The following SPPL3 variants were observed in gnomAD, a reference collection of about 807,000 sequenced individuals.
SPPL3 encodes the protein signal peptide peptidase like 3, also known as signal peptide peptidase-like 3.
A neutral mutation model predicts 42.4 loss-of-function variants in SPPL3; 5 were observed. The ratio of observed to expected loss-of-function variants is 0.12; its 90% CI spans 0.06 to 0.25. The LOEUF (loss-of-function observed/expected upper bound fraction) is 0.25, where lower values mean the gene tolerates loss of function less well. Among genes scored for constraint, SPPL3 ranks in the 10% least tolerant of loss-of-function variants. The pLI is 1.00. For missense variants in SPPL3, 235 were observed against 489.0 expected, an observed-to-expected ratio of 0.48 and a Z score of 4.90; for synonymous variants, 195 against 181.8, an observed-to-expected ratio of 1.07 and a Z score of -0.58.
chr12:120,768,044 G>GATCGAGA (rs1456519727), intron 8 of SPPL3, among the ~76,000 whole-genome samples: 1 of 152,148 alleles, frequency 6.6e-6, no homozygotes, highest in Non-Finnish European at 1.5e-5. Context: ...AAGTTAAAAG[G>GATCGAGA]ATCGAGATTC....
At chr12:120,898,659 G>C (rs1458269312) in intron 1 of SPPL3, among the ~76,000 whole-genome samples, 1 of 152,016 alleles carries the variant, frequency 6.6e-6, no homozygotes, top group Admixed American at 6.6e-5. Flanking sequence ...AAGCAAAAGA[G>C]GGCTGGCTTA....
chr12:120,868,737 C>A (rs964670485), intron 1 of SPPL3, among the ~76,000 whole-genome samples: 1 of 152,184 alleles, frequency 6.6e-6, no homozygotes, highest in Non-Finnish European at 1.5e-5. Context: ...ACCTCGGCCT[C>A]CCAAAGTGCT....
intron 1 of SPPL3, among the ~76,000 whole-genome samples, chr12:120,890,053 C>T (rs1457377287): frequency 6.6e-6 from 1 of 151,064 alleles, no homozygotes; most frequent in Non-Finnish European, 1.5e-5. Flanking sequence ...CGAGACCAGA[C>T]TGACCAACAT....
Position 120,852,781 on chromosome 12 carries a change from T to TATGAA in SPPL3, c.24-41896_24-41895insTTCAT, listed in dbSNP as rs1555252660. ...ATATCTATGTATATTATATATAAAA[T>TATGAA]ATATTTCATATATCATATATACATA... On this transcript the variant is annotated intron_variant, in intron 1 of 10. Transcript: ENST00000353487. 2.1e-3 allele frequency among the ~76,000 whole-genome samples: 260 copies of TATGAA among 124,786 alleles called. 39 individuals are homozygous for TATGAA. The highest frequency in any genetic ancestry group is 2.9e-3 in the Non-Finnish European group (173 of 59,698). The allele number at this position is 124,786 out of a possible 152,430, so 81.9% of individuals were successfully genotyped here.
At chr12:120,873,380 T>C (rs553253506) in intron 1 of SPPL3, among the ~76,000 whole-genome samples, 29 of 152,054 alleles carry the variant, frequency 1.9e-4, no homozygotes, top group East Asian at 5.8e-4. Context: ...GAAAAAAAAT[T>C]TGAAGAAATA....
At chr12:120,867,009 T>A (rs1872773875) in intron 1 of SPPL3, among the ~76,000 whole-genome samples, 1 of 152,216 alleles carries the variant, frequency 6.6e-6, no homozygotes, top group South Asian at 2.1e-4. Context: ...CCATCCTAAG[T>A]CATGAGTCAG....
intron 6 of SPPL3, among the ~76,000 whole-genome samples, chr12:120,775,842 TATC>T (rs932180960): frequency 2.2e-4 from 33 of 152,250 alleles, no homozygotes; most frequent in Non-Finnish European, 4.3e-4. Context: ...AATAATTTAT[TATC>T]CTGTTTTCAC....
chr12:120,766,144 T>A (rs1342256921), intron 10 of SPPL3, 119 bp downstream of exon 10: 3 of 664,282 alleles, frequency 4.5e-6, no homozygotes, highest in East Asian at 7.4e-5. Flanking sequence ...ACACACACAG[T>A]CGAGATCACA....
chr12:120,851,722 T>C (rs945807870), intron 1 of SPPL3, among the ~76,000 whole-genome samples: 1 of 152,068 alleles, frequency 6.6e-6, no homozygotes, highest in Non-Finnish European at 1.5e-5. Flanking sequence ...TCCCAGCTCA[T>C]CCTCCTGAGT....
intron 1 of SPPL3, among the ~76,000 whole-genome samples, chr12:120,879,078 A>G (rs1176976599): frequency 7.3e-6 from 1 of 136,204 alleles, no homozygotes; most frequent in Non-Finnish European, 1.5e-5. Flanking sequence ...GCGCCATTGC[A>G]CTCCAGCCTG....
At position 120,787,379 on chromosome 12, in the gene SPPL3, A is replaced by G. The variant is rs551231777; in HGVS notation, c.191-2786T>C. Among the ~76,000 whole-genome samples the G allele has an allele frequency of 8.9e-4, 136 of 152,272 alleles. No homozygotes were observed. The South Asian group carries it at 0.012, about 13-fold the overall frequency. On this transcript the variant is annotated intron_variant, in intron 3 of 10. Coordinates refer to ENST00000353487, the MANE Select transcript of SPPL3 (RefSeq NM_139015.5). ...TACATGGCTTTTTAAAATTCCACTT[A>G]ATACTACTTAAATGAAGGACTGATG...
At chr12:120,891,165 T>C (rs918469815) in intron 1 of SPPL3, among the ~76,000 whole-genome samples, 1 of 152,222 alleles carries the variant, frequency 6.6e-6, no homozygotes, top group African/African-American at 2.4e-5. Flanking sequence ...TATTCCCTTT[T>C]TCCTAAGCTG....
intron 1 of SPPL3, chr12:120,903,637 C>A: frequency 2.1e-6 from 1 of 482,024 alleles, no homozygotes; most frequent in South Asian, 2.9e-5. Context: ...CTCCATTCCC[C>A]TTCTCGGACG....
intron 1 of SPPL3, chr12:120,845,100 G>T (rs1871974505): frequency 2.6e-6 from 1 of 384,436 alleles, no homozygotes; most frequent in Non-Finnish European, 5.1e-6. Context: ...AGAGGGAGGG[G>T]TGTCGCATTC....
At chr12:120,879,061 C>A (rs189472877) in intron 1 of SPPL3, among the ~76,000 whole-genome samples, 1 of 130,278 alleles carries the variant, frequency 7.7e-6, no homozygotes, top group East Asian at 2.3e-4. Flanking sequence ...TGTGGTGAGC[C>A]GAGATCGCGC....
chr12:120,833,772 T>A (rs942411160), intron 1 of SPPL3, among the ~76,000 whole-genome samples: 3 of 12,396 alleles, frequency 2.4e-4, no homozygotes, highest in African/African-American at 3.4e-4. Context: ...TTAAAGTGTG[T>A]GTGTGTGTGT....
chr12:120,812,241 T>C (rs1461327305), intron 1 of SPPL3, among the ~76,000 whole-genome samples: 1 of 152,060 alleles, frequency 6.6e-6, no homozygotes. Context: ...TTCAAGCGAT[T>C]CTCTTGCCTC....
At chr12:120,903,519 C>T (rs919345859) in intron 1 of SPPL3, 11 of 372,460 alleles carry the variant, frequency 3.0e-5, no homozygotes, top group Admixed American at 1.0e-4. Flanking sequence ...TCCGGGGTGC[C>T]TGTCGGATTC....
At chr12:120,851,419 T>C (rs1292508641) in intron 1 of SPPL3, among the ~76,000 whole-genome samples, 2 of 135,852 alleles carry the variant, frequency 1.5e-5, no homozygotes, top group Non-Finnish European at 3.1e-5. Context: ...TCTCAGGTCA[T>C]GGCTCCCTTA....
Sources: gnomAD v4.1 joint callset for allele counts (sites outside exome capture counted in the v4.1 genomes callset) on GRCh38, gnomAD v4.1.1 for gene constraint, MANE v1.5 for transcripts, NCBI Gene and HGNC (gene_info 2026-07-23, HGNC 2026-07-21) for gene names.